The following ZNF565 variants were observed in gnomAD, a reference collection of about 807,000 sequenced individuals.
The protein encoded by ZNF565 is zinc finger protein 565.
In ZNF565, 27 loss-of-function variants were observed where a neutral mutation model predicts 39.4. The ratio of observed to expected loss-of-function variants is 0.69; its 90% CI spans 0.51 to 0.95. ZNF565 has a LOEUF of 0.95. Among genes scored for constraint, ZNF565 ranks in the 40% least tolerant of loss-of-function variants. The probability of loss-of-function intolerance (pLI) is 0.00; values close to 1 mark genes in which losing one functional copy is unlikely to be tolerated. For synonymous variants in ZNF565, 185 were observed against 216.6 expected (o/e 0.85, Z 1.28); for missense variants, 524 against 621.1 (o/e 0.84, Z 1.66).
At chr19:36,225,984 G>T (rs868669453) in intron 1 of ZNF565, among the ~76,000 whole-genome samples, 13 of 151,838 alleles carry the variant, frequency 8.6e-5, no homozygotes, top group African/African-American at 3.1e-4. Context: ...GCCTAGGCTG[G>T]TCTTGAACTT....
At chr19:36,234,777 T>G (rs572967819) in intron 1 of ZNF565, among the ~76,000 whole-genome samples, 6 of 152,320 alleles carry the variant, frequency 3.9e-5, no homozygotes, top group South Asian at 2.1e-4. Flanking sequence ...GATTTCCGTA[T>G]AGCAGCTCAT....
chr19:36,189,179 C>G (rs923398095), intron 4 of ZNF565, among the ~76,000 whole-genome samples: 2 of 152,050 alleles, frequency 1.3e-5, no homozygotes, highest in African/African-American at 4.8e-5. Flanking sequence ...GCACCAGCCA[C>G]TTGGGAACCT....
At chr19:36,223,482 C>T (rs1286564199) in intron 1 of ZNF565, among the ~76,000 whole-genome samples, 1 of 151,884 alleles carries the variant, frequency 6.6e-6, no homozygotes, top group African/African-American at 2.4e-5. Context: ...CCTGCCTCAG[C>T]CTCCCAAGTA....
chr19:36,182,396 A>G lies in ZNF565; in HGVS notation c.*70T>C, dbSNP rs1010600812. The G allele has an allele frequency of 3.7e-6, 5 of 1,355,368 alleles. No homozygotes were observed. Among genetic ancestry groups the G allele is most frequent in the Non-Finnish European group, 9.8e-7 (1 of 1,015,820 alleles). The allele number at this position is 1,355,368 out of a possible 1,614,324, so 84.0% of individuals were successfully genotyped here. A position where few individuals can be genotyped will look rare whatever the true frequency, so the allele number is the denominator to read the frequency against. ...TGACATTAATTACACTACATTAAAA[A>G]TTACCTAGTACTGAGCCAGATGTGA... On this transcript the variant is annotated 3_prime_UTR_variant, in exon 5 of 5. Transcript: ENST00000304116.
chr19:36,239,491 T>C (rs1269592026), intron 1 of ZNF565, among the ~76,000 whole-genome samples: 1 of 146,196 alleles, frequency 6.8e-6, no homozygotes, highest in Non-Finnish European at 1.5e-5. Flanking sequence ...CTGTGCCAAT[T>C]AAAAAAAAAA....
downstream of ZNF565, chr19:36,182,158 T>C: frequency 4.0e-6 from 1 of 251,262 alleles, no homozygotes; most frequent in Non-Finnish European, 7.6e-6. Flanking sequence ...GGCCACAGAA[T>C]CTTTTAATCG....
chr19:36,192,028 G>A lies in ZNF565; in HGVS notation c.232+2205C>T, dbSNP rs562032446. 3.1e-5 allele frequency among the ~76,000 whole-genome samples: 4 copies of A among 128,234 alleles called. No individual in the cohort carries two copies. The South Asian group carries it at 7.3e-4, about 23-fold the overall frequency. The allele number at this position is 128,234 out of a possible 152,430, so 84.1% of individuals were successfully genotyped here. Reference sequence around the variant, plus strand: ...TATCTTTTTTTTTTTTTTTTCTGTTGCCCAGGCTGGAGTGCAGTGGCGTGA... The same window carrying A: ...TATCTTTTTTTTTTTTTTTTCTGTTACCCAGGCTGGAGTGCAGTGGCGTGA... On this transcript the variant is annotated intron_variant, in intron 4 of 4. Coordinates refer to ENST00000304116, the MANE Select transcript of ZNF565 (RefSeq NM_152477.5).
chr19:36,241,430 G>A (rs1430702097), intron 1 of ZNF565, among the ~76,000 whole-genome samples: 1 of 148,936 alleles, frequency 6.7e-6, no homozygotes, highest in Non-Finnish European at 1.5e-5. Context: ...GTTGCAGTGA[G>A]CCGAGATCGT....
intron 1 of ZNF565, chr19:36,236,746 T>G: frequency 6.2e-7 from 1 of 1,614,164 alleles, no homozygotes; most frequent in South Asian, 1.1e-5. Flanking sequence ...CTTTTGAGTG[T>G]AAAGATTGCG....
chr19:36,183,070 C>A lies in ZNF565; in HGVS notation c.896G>T (p.Arg299Ile). Residue 299 changes from arginine (R) to isoleucine (I), a missense_variant, in exon 5 of 5, where the codon AGA becomes ATA. By Grantham distance (97) the Arg-to-Ile change is moderately conservative. Transcript: ENST00000304116. ...IRGSQLTVHR[R>I]IHTGARPYEC... ...ATAGGGTCTGGCCCCTGTGTGGATT[C>A]TCCGATGCACAGTGAGTTGGGAGCC... 6.2e-7 allele frequency: 1 copy of A among 1,614,178 alleles called. No homozygotes were observed. The highest frequency in any genetic ancestry group is 8.5e-7 in the Non-Finnish European group (1 of 1,180,044).
chr19:36,240,640 G>T, intron 1 of ZNF565, among the ~76,000 whole-genome samples: 1 of 152,224 alleles, frequency 6.6e-6, no homozygotes, highest in Non-Finnish European at 1.5e-5. Flanking sequence ...AGGCCGAGGC[G>T]GGTGGATCAC....
At chr19:36,221,013 T>C (rs1976812401) in intron 1 of ZNF565, among the ~76,000 whole-genome samples, 1 of 151,140 alleles carries the variant, frequency 6.6e-6, no homozygotes, top group Non-Finnish European at 1.5e-5. Flanking sequence ...CCATGACGCC[T>C]AGCTAATTTT....
chr19:36,207,050 G>A (rs1324689785), intron 1 of ZNF565, among the ~76,000 whole-genome samples: 5 of 152,100 alleles, frequency 3.3e-5, no homozygotes, highest in Non-Finnish European at 7.4e-5. Flanking sequence ...CTGAAGGCAG[G>A]AGCAGGCTTT....
chr19:36,214,169 C>A (rs1193824512), intron 1 of ZNF565, among the ~76,000 whole-genome samples: 1 of 151,994 alleles, frequency 6.6e-6, no homozygotes, highest in Non-Finnish European at 1.5e-5. Flanking sequence ...AACACACACA[C>A]CAAGGGATAC....
At chr19:36,185,179 C>A (rs1312222747) in intron 4 of ZNF565, among the ~76,000 whole-genome samples, 1 of 151,060 alleles carries the variant, frequency 6.6e-6, no homozygotes, top group East Asian at 1.9e-4. Context: ...CTTTGGGAGA[C>A]TGAGGTGGGT....
intron 1 of ZNF565, among the ~76,000 whole-genome samples, chr19:36,232,508 G>A (rs928591523): frequency 6.6e-6 from 1 of 151,478 alleles, no homozygotes; most frequent in Non-Finnish European, 1.5e-5. Flanking sequence ...GAAGGTCCAT[G>A]TTTTATTTTT....
intron 1 of ZNF565, among the ~76,000 whole-genome samples, chr19:36,203,879 T>A (rs1976056714): frequency 6.6e-6 from 1 of 151,722 alleles, no homozygotes; most frequent in African/African-American, 2.4e-5. Flanking sequence ...GTGCCTGGCC[T>A]AACAAGGGTA....
chr19:36,243,588 A>G (rs1977833328), intron 1 of ZNF565, among the ~76,000 whole-genome samples: 2 of 152,168 alleles, frequency 1.3e-5, no homozygotes, highest in African/African-American at 4.8e-5. Flanking sequence ...CTTTGGAAGG[A>G]GGGAAGTCTC....
At chr19:36,241,505 T>C (rs1411364568) in intron 1 of ZNF565, among the ~76,000 whole-genome samples, 1 of 95,048 alleles carries the variant, frequency 1.1e-5, no homozygotes, top group African/African-American at 4.1e-5. Flanking sequence ...AAAAAAAAAG[T>C]GTTGGGGCCG....
Sources: gnomAD v4.1 joint callset for allele counts (sites outside exome capture counted in the v4.1 genomes callset) on GRCh38, gnomAD v4.1.1 for gene constraint, MANE v1.5 for transcripts, NCBI Gene and HGNC (gene_info 2026-07-23, HGNC 2026-07-21) for gene names.